Variants in CDH12 observed in about 807,000 individuals in gnomAD.
CDH12 encodes the protein cadherin 12.
Under a neutral mutation model 74.1 loss-of-function variants are expected in CDH12, and 41 were observed. The observed-to-expected ratio is 0.55, with a 90% CI of 0.43 to 0.72. The LOEUF (loss-of-function observed/expected upper bound fraction) is 0.72. Ranked by LOEUF, CDH12 falls within the 30% of genes least tolerant of loss-of-function variation. The probability of loss-of-function intolerance (pLI) is 0.00; values close to 1 mark genes in which losing one functional copy is unlikely to be tolerated. For missense variants in CDH12, 945 were observed against 977.2 expected, an observed-to-expected ratio of 0.97 and a Z score of 0.44; for synonymous variants, 399 against 355.0, an observed-to-expected ratio of 1.12 and a Z score of -1.39.
intron 6 of CDH12, among the ~76,000 whole-genome samples, chr5:21,919,650 T>C (rs1754262883): frequency 6.6e-6 from 1 of 152,182 alleles, no homozygotes; most frequent in South Asian, 2.1e-4. Context: ...TAAGAGCAGC[T>C]GTAGATAGAC....
chr5:22,004,486 C>G (rs998284488), intron 5 of CDH12, among the ~76,000 whole-genome samples: 2 of 152,192 alleles, frequency 1.3e-5, no homozygotes, highest in Non-Finnish European at 2.9e-5. Flanking sequence ...TCCTATTACT[C>G]TCTTCTCACT....
intron 1 of CDH12, among the ~76,000 whole-genome samples, chr5:22,779,786 A>C (rs1747295010): frequency 3.3e-5 from 5 of 152,134 alleles, no homozygotes. Flanking sequence ...CTCCTCAGCC[A>C]TGTGGAACTG....
chr5:22,161,254 C>T (rs1439230135), intron 4 of CDH12, among the ~76,000 whole-genome samples: 1 of 152,098 alleles, frequency 6.6e-6, no homozygotes, highest in African/African-American at 2.4e-5. Context: ...TTTCACCTCT[C>T]CTCTTCGGTC....
At chr5:22,804,152 A>AT (rs1394863399) in intron 1 of CDH12, among the ~76,000 whole-genome samples, 1 of 152,136 alleles carries the variant, frequency 6.6e-6, no homozygotes, top group African/African-American at 2.4e-5. Flanking sequence ...TAACAAAGGT[A>AT]TTTTTTGTCT....
chr5:22,057,619 C>A (rs769376812), intron 5 of CDH12, among the ~76,000 whole-genome samples: 32 of 152,118 alleles, frequency 2.1e-4, no homozygotes, highest in Admixed American at 2.0e-3. Flanking sequence ...ACATAGATTT[C>A]TCAAAAATAC....
chr5:21,765,246 T>A, intron 11 of CDH12, 147 bp from the exon 12 acceptor site: 1 of 574,058 alleles, frequency 1.7e-6, no homozygotes, highest in Non-Finnish European at 2.8e-6. Flanking sequence ...GGGTTCCAAC[T>A]ACAAGATGAT....
At chr5:22,101,954 G>A (rs1027611565) in intron 4 of CDH12, among the ~76,000 whole-genome samples, 2 of 151,978 alleles carry the variant, frequency 1.3e-5, no homozygotes, top group African/African-American at 2.4e-5. Context: ...TAACCAAATG[G>A]GTATGACTAT....
chr5:22,498,541 G>A (rs903687808), intron 2 of CDH12, among the ~76,000 whole-genome samples: 4 of 151,946 alleles, frequency 2.6e-5, no homozygotes, highest in Non-Finnish European at 5.9e-5. Context: ...AAGGGGCAAA[G>A]TGAATTCTTA....
intron 5 of CDH12, among the ~76,000 whole-genome samples, chr5:21,992,437 T>C (rs1281069434): frequency 1.3e-5 from 2 of 152,156 alleles, no homozygotes; most frequent in Non-Finnish European, 2.9e-5. Flanking sequence ...TAGAGATTGA[T>C]TGAGGCCTTA....
chr5:22,834,343 A>G (rs993406682), intron 1 of CDH12, among the ~76,000 whole-genome samples: 7 of 152,178 alleles, frequency 4.6e-5, no homozygotes, highest in Non-Finnish European at 1.0e-4. Flanking sequence ...AAAGAATGAC[A>G]GGATATTTGC....
chr5:22,515,891 C>T (rs1012055213), intron 1 of CDH12, among the ~76,000 whole-genome samples: 1 of 151,902 alleles, frequency 6.6e-6, no homozygotes, highest in African/African-American at 2.4e-5. Flanking sequence ...CAAAGACAGG[C>T]TTGTAAATTT....
intron 1 of CDH12, among the ~76,000 whole-genome samples, chr5:22,812,514 T>G (rs1385194432): frequency 1.3e-5 from 2 of 152,154 alleles, no homozygotes; most frequent in African/African-American, 4.8e-5. Context: ...AGGCCCTACA[T>G]AAGTTTACAG....
chr5:22,750,021 C>T lies in CDH12; in HGVS notation c.-523+103037G>A, dbSNP rs529165403. Among the ~76,000 whole-genome samples the T allele has an allele frequency of 2.0e-5, 3 of 152,270 alleles. No homozygotes were observed. In the South Asian group the frequency reaches 6.2e-4, roughly 32 times the overall value. ...TAACCGTTTAGTCTTGGACATATGG[C>T]TCTGGTAAGACATCATTCCTAATCT... On this transcript the variant is annotated intron_variant, in intron 1 of 14. Transcript: ENST00000382254.
At chr5:22,447,526 CTA>C (rs1280812135) in intron 2 of CDH12, among the ~76,000 whole-genome samples, 1 of 152,034 alleles carries the variant, frequency 6.6e-6, no homozygotes, top group African/African-American at 2.4e-5. Flanking sequence ...AGGAAGGAAA[CTA>C]TTTTTGTATT....
At chr5:22,469,953 G>A (rs1448215537) in intron 2 of CDH12, among the ~76,000 whole-genome samples, 2 of 152,136 alleles carry the variant, frequency 1.3e-5, no homozygotes, top group African/African-American at 2.4e-5. Flanking sequence ...TTTGACATAA[G>A]TAAGTCTGCA....
intron 2 of CDH12, among the ~76,000 whole-genome samples, chr5:22,501,850 G>A (rs1736166780): frequency 6.6e-6 from 1 of 151,764 alleles, no homozygotes; most frequent in Admixed American, 6.6e-5. Flanking sequence ...TCCACTCCTG[G>A]CTGAGCAGAT....
chr5:22,144,807 G>A (rs556920387), intron 4 of CDH12, among the ~76,000 whole-genome samples: 35 of 151,846 alleles, frequency 2.3e-4, no homozygotes, highest in African/African-American at 4.6e-4. Context: ...AATTCAAACC[G>A]TATGTATTGA....
At chr5:21,917,295 T>C (rs1754143313) in intron 6 of CDH12, among the ~76,000 whole-genome samples, 1 of 152,184 alleles carries the variant, frequency 6.6e-6, no homozygotes, top group Non-Finnish European at 1.5e-5. Flanking sequence ...AAACTCCCAA[T>C]GTCTGTGCCC....
rs763399563 is a variant in CDH12, at chr5:21,837,359, A to T, written c.814+4802T>A. Among the ~76,000 whole-genome samples the T allele has an allele frequency of 4.8e-4, 72 of 151,272 alleles. 1 individual carries two copies. The highest frequency in any genetic ancestry group is 1.8e-3 in the African/African-American group (72 of 40,838). Reference sequence around the variant, plus strand: ...ACATTTTTTTCCATCTCAAATTAAGAGGTCACATACACAAAGCCAAAATGC... The same window carrying T: ...ACATTTTTTTCCATCTCAAATTAAGTGGTCACATACACAAAGCCAAAATGC... On this transcript the variant is annotated intron_variant, in intron 8 of 14. Transcript: ENST00000382254.
Sources: gnomAD v4.1 joint callset for allele counts (sites outside exome capture counted in the v4.1 genomes callset) on GRCh38, gnomAD v4.1.1 for gene constraint, MANE v1.5 for transcripts, NCBI Gene and HGNC (gene_info 2026-07-23, HGNC 2026-07-21) for gene names.